XXYLT1: variants seen among roughly 807,000 people sequenced by gnomAD.
XXYLT1 encodes the protein UDP-xylose:alpha-xyloside alpha-1,3-xylosyltransferase.
XXYLT1 carries 20 observed loss-of-function variants against 28.9 expected under a neutral mutation model. The observed-to-expected ratio is 0.69, with a 90% CI of 0.49 to 1.00. The LOEUF (loss-of-function observed/expected upper bound fraction) is 1.00. Among genes scored for constraint, XXYLT1 ranks in the 50% least tolerant of loss-of-function variants. The probability of loss-of-function intolerance (pLI) is 0.00; values close to 1 mark genes in which losing one functional copy is unlikely to be tolerated. For missense variants in XXYLT1, 542 were observed against 560.1 expected (o/e 0.97, Z 0.33); for synonymous variants, 257 against 253.8 (o/e 1.01, Z -0.12).
Position 195,176,980 on chromosome 3 carries a change from C to T in XXYLT1, c.653-20399G>A, listed in dbSNP as rs982063464. Among the ~76,000 whole-genome samples the T allele has an allele frequency of 2.6e-5, 4 of 152,334 alleles. No individual in the cohort carries two copies. In the East Asian group the frequency reaches 5.8e-4, roughly 22 times the overall value. On this transcript the variant is annotated intron_variant, in intron 2 of 3. Transcript: ENST00000310380. The surrounding 1 kb of genome is among the most constrained non-coding windows in gnomAD (Gnocchi z 4.9). ...CTGACGTCCCCCCGCCACAGCAGGT[C>T]GGGGACCACATGCCGCCCTCCTCGC...
intron 3 of XXYLT1, among the ~76,000 whole-genome samples, chr3:195,154,539 G>T (rs1577087529): frequency 1.3e-5 from 2 of 152,336 alleles, no homozygotes; most frequent in East Asian, 3.9e-4. Context: ...AACTTCCACT[G>T]TTACTTCATT....
At position 195,156,414 on chromosome 3, in the gene XXYLT1, G is replaced by A; in HGVS notation, c.785+35C>T. ...GAGAGAGGGTGAAGGGTGGGGAGGGGTCGTGGAGGCGGCCCCCCTGCAGTC... is the reference window on the plus strand; with the variant it reads ...GAGAGAGGGTGAAGGGTGGGGAGGGATCGTGGAGGCGGCCCCCCTGCAGTC... On this transcript the variant is annotated intron_variant, in intron 3 of 3. Coordinates refer to ENST00000310380, the MANE Select transcript of XXYLT1 (RefSeq NM_152531.5). 3.1e-6 allele frequency: 5 copies of A among 1,605,800 alleles called. 1 individual carries two copies. The South Asian group carries it at 4.4e-5, about 14-fold the overall frequency.
intron 1 of XXYLT1, among the ~76,000 whole-genome samples, chr3:195,244,967 A>G (rs1440674661): frequency 6.7e-6 from 1 of 149,784 alleles, no homozygotes; most frequent in African/African-American, 2.4e-5. Context: ...GGAGTTCAAG[A>G]CCAGCCTGAC....
chr3:195,157,049 C>T (rs1253948379), intron 2 of XXYLT1, among the ~76,000 whole-genome samples: 2 of 151,878 alleles, frequency 1.3e-5, no homozygotes, highest in African/African-American at 2.4e-5. Flanking sequence ...TTGAGACCAG[C>T]CTGACCAACA....
chr3:195,127,219 G>A lies in XXYLT1; in HGVS notation c.785+29230C>T, dbSNP rs892469247. The stretch of plus-strand genomic sequence containing the variant: ...TGCTTAAAAGAGAGGCCTTAGGAAG[G>A]GAGACACAGCAAAACTGGAATCTAA... On this transcript the variant is annotated intron_variant, in intron 3 of 3. Transcript: ENST00000310380. 2.6e-5 allele frequency among the ~76,000 whole-genome samples: 4 copies of A among 151,922 alleles called. No homozygotes were observed. The East Asian group carries it at 7.7e-4, about 29-fold the overall frequency.
intron 1 of XXYLT1, among the ~76,000 whole-genome samples, chr3:195,232,899 G>A (rs577265746): frequency 3.1e-4 from 47 of 152,250 alleles, no homozygotes; most frequent in East Asian, 3.8e-4. Context: ...GGTCCATTTC[G>A]TCTATGGTGC....
rs1352913263 is a variant in XXYLT1 at position 195,072,203 on chromosome 3, AG to A, written c.786-2093del. Among the ~76,000 whole-genome samples the A allele has an allele frequency of 2.6e-5, 4 of 151,918 alleles. No individual in the cohort carries two copies. The East Asian group carries it at 7.8e-4, about 30-fold the overall frequency. The stretch of plus-strand genomic sequence containing the variant: ...GCAGCTGTCGACACCGGGTGGAAGC[AG>A]GGGGCAGGACACTGAGGACACGATG... On this transcript the variant is annotated intron_variant, in intron 3 of 3. Coordinates refer to ENST00000310380, the MANE Select transcript of XXYLT1 (RefSeq NM_152531.5).
At position 195,256,678 on chromosome 3, in the gene XXYLT1, G is replaced by GT. The variant is rs546895475; in HGVS notation, c.504+13876dup. 115 of 672,772 alleles carry GT rather than the reference G, an allele frequency of 1.7e-4. 1 individual carries two copies. The African/African-American group carries it at 2.0e-3, about 12-fold the overall frequency. 41.7% of individuals were successfully genotyped at this position (672,772 alleles called of 1,614,324 possible). On this transcript the variant is annotated intron_variant, in intron 1 of 3. Coordinates refer to ENST00000310380, the MANE Select transcript of XXYLT1 (RefSeq NM_152531.5). This position sits in a 1 kb window ranked among gnomAD's most constrained non-coding sequence, Gnocchi z 4.2. Reference sequence around the variant, plus strand: ...ACAGACTGTTACTCAGAGCCGGAGCGTCCCCACTCCTCTTATGATGAGAAA... The same window carrying GT: ...ACAGACTGTTACTCAGAGCCGGAGCGTTCCCCACTCCTCTTATGATGAGAAA...
At chr3:195,079,234 G>C (rs10933695) in intron 3 of XXYLT1, among the ~76,000 whole-genome samples, 72,506 of 152,056 alleles carry the variant, frequency 0.48, 20,768 homozygotes, top group East Asian at 0.96. Context: ...GGATGGAGAC[G>C]GGGAAGCCAC....
intron 2 of XXYLT1, among the ~76,000 whole-genome samples, chr3:195,165,451 G>A (rs958494664): frequency 3.9e-5 from 6 of 152,108 alleles, no homozygotes; most frequent in Non-Finnish European, 7.4e-5. Flanking sequence ...CTTCTCCCTG[G>A]GACCATGGAG....
At chr3:195,127,213 A>AG (rs1407912739) in intron 3 of XXYLT1, among the ~76,000 whole-genome samples, 2 of 152,136 alleles carry the variant, frequency 1.3e-5, no homozygotes, top group Admixed American at 6.5e-5. Context: ...GAGAGGCCTT[A>AG]GGAAGGGAGA....
intron 3 of XXYLT1, among the ~76,000 whole-genome samples, chr3:195,136,456 C>T (rs566689089): frequency 1.3e-5 from 2 of 152,238 alleles, no homozygotes; most frequent in Admixed American, 6.5e-5. Context: ...ACCATCACTC[C>T]AGGACCTCAG....
At chr3:195,141,725 C>T (rs969438673) in intron 3 of XXYLT1, among the ~76,000 whole-genome samples, 2 of 152,248 alleles carry the variant, frequency 1.3e-5, no homozygotes, top group African/African-American at 2.4e-5. Flanking sequence ...GGGAATCTAA[C>T]GTGTTGTCCA....
rs753387516 is a variant in XXYLT1, at chr3:195,255,730, T to C, written c.504+14825A>G. Reference sequence around the variant, plus strand: ...GGAGAGCTGCTCCCAGTCTCCCTTGTCCACTGAGCAGCTGTGTGGCCCTGA... The same window carrying C: ...GGAGAGCTGCTCCCAGTCTCCCTTGCCCACTGAGCAGCTGTGTGGCCCTGA... On this transcript the variant is annotated intron_variant, in intron 1 of 3. Coordinates refer to ENST00000310380, the MANE Select transcript of XXYLT1 (RefSeq NM_152531.5). The surrounding 1 kb of genome is among the most constrained non-coding windows in gnomAD (Gnocchi z 4.5). Among the ~76,000 whole-genome samples the C allele has an allele frequency of 1.9e-4, 29 of 152,114 alleles. No homozygotes were observed. Among genetic ancestry groups the C allele is most frequent in the Non-Finnish European group, 3.2e-4 (22 of 68,002 alleles).
chr3:195,190,678 T>C (rs1169428371), intron 2 of XXYLT1, among the ~76,000 whole-genome samples: 2 of 151,950 alleles, frequency 1.3e-5, no homozygotes, highest in Non-Finnish European at 2.9e-5. Context: ...ATGTGTAAGT[T>C]TGGATAAAGC....
chr3:195,179,516 G>A (rs971920584), intron 2 of XXYLT1, among the ~76,000 whole-genome samples: 5 of 152,044 alleles, frequency 3.3e-5, no homozygotes, highest in Non-Finnish European at 5.9e-5. Context: ...TTTCAGTCAC[G>A]TCCTATTTAC....
At chr3:195,194,658 G>C (rs933435782) in intron 2 of XXYLT1, among the ~76,000 whole-genome samples, 12 of 152,030 alleles carry the variant, frequency 7.9e-5, no homozygotes. Flanking sequence ...CGGTCCAAAC[G>C]TCCATCAACT....
chr3:195,214,749 T>C (rs1723486199), intron 2 of XXYLT1: 1 of 152,160 alleles, frequency 6.6e-6, no homozygotes, highest in Non-Finnish European at 1.5e-5. Flanking sequence ...CTTAGAAACA[T>C]GTCTGCCTCA....
Position 195,260,293 on chromosome 3 carries a change from GC to G in XXYLT1, c.504+10261del, listed in dbSNP as rs569389939. Among the ~76,000 whole-genome samples, 276 of 151,766 alleles carry G rather than the reference GC, an allele frequency of 1.8e-3. 3 individuals carry two copies. Among genetic ancestry groups the G allele is most frequent in the African/African-American group, 6.2e-3 (257 of 41,508 alleles). ...GGACCGCGCCGCGGAGGAGGGGCCA[GC>G]CCCGCCCAACGCCCGACGCCCGCGG... On this transcript the variant is annotated intron_variant, in intron 1 of 3. Transcript: ENST00000310380.
Sources: allele counts gnomAD v4.1 joint callset (sites outside exome capture counted in the v4.1 genomes callset), GRCh38; gene constraint gnomAD v4.1.1; non-coding constraint Gnocchi (gnomAD v3.1); transcripts MANE v1.5; gene names NCBI Gene and HGNC (gene_info 2026-07-23, HGNC 2026-07-21).